The following COL14A1 variants were observed in gnomAD, a reference collection of about 807,000 sequenced individuals.
COL14A1 encodes the protein collagen alpha-1(XIV) chain.
A neutral mutation model predicts 230.3 loss-of-function variants in COL14A1; 136 were observed. The observed-to-expected ratio is 0.59, with a 90% confidence interval of 0.51 to 0.68. The LOEUF (loss-of-function observed/expected upper bound fraction) is 0.68, where lower values mean the gene tolerates loss of function less well. Among genes scored for constraint, COL14A1 ranks in the 30% least tolerant of loss-of-function variants. The probability of loss-of-function intolerance (pLI) is 0.00; values close to 1 mark genes in which losing one functional copy is unlikely to be tolerated. For missense variants in COL14A1, 1,976 were observed against 2,215.8 expected (o/e 0.89, Z 2.17); for synonymous variants, 792 against 784.1 (o/e 1.01, Z -0.17).
intron 45 of COL14A1, among the ~76,000 whole-genome samples, chr8:120,362,368 G>T (rs778579434): frequency 6.6e-6 from 1 of 152,198 alleles, no homozygotes; most frequent in Non-Finnish European, 1.5e-5. Flanking sequence ...TATAGGCAGT[G>T]CTGATACACT....
chr8:120,300,635 C>A, intron 35 of COL14A1, 97 bp from the exon 36 acceptor site: 4 of 925,194 alleles, frequency 4.3e-6, no homozygotes, highest in Admixed American at 2.3e-5. Flanking sequence ...ACTTGAAAAT[C>A]TAAAAATATC....
intron 1 of COL14A1, among the ~76,000 whole-genome samples, chr8:120,134,154 T>C (rs1814635666): frequency 6.6e-6 from 1 of 152,016 alleles, no homozygotes; most frequent in Admixed American, 6.6e-5. Flanking sequence ...TGGACTATTG[T>C]ATAAAAAAGG....
chr8:120,255,345 A>C lies in COL14A1; in HGVS notation c.2858A>C (p.Glu953Ala). Residue 953 changes from glutamate to alanine, a missense_variant, in exon 23 of 48, where the codon GAA (glutamate) becomes GCA (alanine). By Grantham distance (107) the Glu-to-Ala change is moderately radical. This residue lies in a region of COL14A1 where 1,791 missense variants were observed against 2,019.5 expected (regional missense o/e 0.89). Transcript: ENST00000297848. ...GCCACAGCCTATAGGGTTGTTATAG[A>C]ATCCCTCCAGGGTGAGTACAATCCA... ...RHATAYRVVI[E>A]SLQDRQKQES... is the part of the protein sequence containing the mutation. The C allele has an allele frequency of 6.2e-7, 1 of 1,611,632 alleles. No individual in the cohort carries two copies. The highest frequency in any genetic ancestry group is 1.1e-5 in the South Asian group (1 of 91,016).
In COL14A1 at chr8:120,281,025, C is replaced by A; in HGVS notation, c.3790C>A (p.Leu1264Ile). Residue 1264 changes from leucine (L) to isoleucine (I), a missense_variant, in exon 31 of 48, where the codon CTC becomes ATC. Transcript: ENST00000297848. ...CTTCAATGTGTTTCCATGTTACCAA[C>A]TCCATAAAGATGCCCTGGTTTCCCA... ...GTFNVFPCYQ[L>I]HKDALVSQPT... is the part of the protein sequence containing the mutation. 2 of 1,611,656 alleles carry A rather than the reference C, an allele frequency of 1.2e-6. No homozygotes were observed. The highest frequency in any genetic ancestry group is 1.7e-6 in the Non-Finnish European group (2 of 1,178,966).
chr8:120,133,286 C>T (rs1399146157), intron 1 of COL14A1, among the ~76,000 whole-genome samples: 2 of 150,372 alleles, frequency 1.3e-5, no homozygotes, highest in African/African-American at 4.9e-5. Context: ...AGAAAAAATT[C>T]TGTTATTTTT....
At chr8:120,330,844 G>A (rs140618492) in intron 40 of COL14A1, among the ~76,000 whole-genome samples, 1,607 of 152,258 alleles carry the variant, frequency 0.011, 10 homozygotes, top group Non-Finnish European at 0.016. Context: ...GGTGGCTCAT[G>A]CCTGTAATCC....
chr8:120,186,065 G>A (rs181114877), intron 5 of COL14A1, among the ~76,000 whole-genome samples: 7 of 152,266 alleles, frequency 4.6e-5, no homozygotes, highest in South Asian at 4.1e-4. Context: ...GAGCCACCAC[G>A]CCCTGCTCTC....
chr8:120,296,793 G>A (rs1473235460), intron 34 of COL14A1, among the ~76,000 whole-genome samples: 1 of 151,878 alleles, frequency 6.6e-6, no homozygotes, highest in Admixed American at 6.6e-5. Flanking sequence ...AAATATTTAT[G>A]GCATGATCAA....
At chr8:120,364,941 G>T (rs1005078551) in intron 45 of COL14A1, among the ~76,000 whole-genome samples, 4 of 151,756 alleles carry the variant, frequency 2.6e-5, no homozygotes, top group Admixed American at 6.6e-5. Context: ...AAAATTCCTT[G>T]TTAATATATA....
At chr8:120,315,840 T>C (rs1821206160) in intron 39 of COL14A1, 104 bp from the exon 40 acceptor site, 8 of 1,169,526 alleles carry the variant, frequency 6.8e-6, no homozygotes, top group Non-Finnish European at 2.5e-6. Flanking sequence ...TTCACCATTA[T>C]GCTCTTAGGT....
At chr8:120,163,327 C>T (rs7459829) in intron 4 of COL14A1, among the ~76,000 whole-genome samples, 5,552 of 152,188 alleles carry the variant, frequency 0.036, 327 homozygotes, top group African/African-American at 0.13. Flanking sequence ...CATGTTTGAG[C>T]CAGTTCTCAA....
chr8:120,126,477 C>T (rs1477881356), intron 1 of COL14A1, among the ~76,000 whole-genome samples: 1 of 152,086 alleles, frequency 6.6e-6, no homozygotes, highest in Non-Finnish European at 1.5e-5. Flanking sequence ...TTGGAGAGTC[C>T]TCTGTTGGCA....
intron 5 of COL14A1, among the ~76,000 whole-genome samples, chr8:120,183,418 T>C (rs1043449888): frequency 6.6e-6 from 1 of 152,220 alleles, no homozygotes; most frequent in African/African-American, 2.4e-5. Context: ...CTGCATCTGC[T>C]GTCATTAACA....
chr8:120,369,532 A>G, intron 47 of COL14A1, 47 bp downstream of exon 47: 2 of 1,467,614 alleles, frequency 1.4e-6, no homozygotes, highest in Non-Finnish European at 1.8e-6. Context: ...TCAATGTTTT[A>G]GTATGCTTAG....
intron 35 of COL14A1, 95 bp from the exon 36 acceptor site, chr8:120,300,637 A>T: frequency 1.1e-6 from 1 of 943,802 alleles, no homozygotes; most frequent in Non-Finnish European, 1.6e-6. Context: ...TTGAAAATCT[A>T]AAAATATCTT....
intron 19 of COL14A1, among the ~76,000 whole-genome samples, chr8:120,243,038 T>C (rs78683895): frequency 6.6e-6 from 1 of 152,172 alleles, no homozygotes; most frequent in African/African-American, 2.4e-5. Flanking sequence ...TTTCCAGCCA[T>C]GATTAAGTTC....
chr8:120,277,988 A>G, intron 26 of COL14A1, 123 bp from the exon 27 acceptor site: 1 of 910,930 alleles, frequency 1.1e-6, no homozygotes, highest in Non-Finnish European at 1.5e-6. Flanking sequence ...AGAAATTTTA[A>G]TCCAAGCAGA....
At chr8:120,134,114 C>T (rs1270567134) in intron 1 of COL14A1, among the ~76,000 whole-genome samples, 3 of 151,798 alleles carry the variant, frequency 2.0e-5, no homozygotes, top group Non-Finnish European at 4.4e-5. Context: ...CTTGAATAAA[C>T]AAAGAATATA....
In COL14A1 at chr8:120,220,531, A is replaced by C. The variant is rs565386849; in HGVS notation, c.1737+4041A>C. ...TCGTGATCTGCCCACCTCGGCCTCCAAAAGTGCTGGGATTACAGGTGTGAG... is the reference window on the plus strand; with the variant it reads ...TCGTGATCTGCCCACCTCGGCCTCCCAAAGTGCTGGGATTACAGGTGTGAG... On this transcript the variant is annotated intron_variant, in intron 14 of 47. Transcript: ENST00000297848. Among the ~76,000 whole-genome samples the C allele has an allele frequency of 9.6e-4, 146 of 152,156 alleles. 3 individuals carry two copies. The Middle Eastern group carries it at 0.01, about 11-fold the overall frequency.
Sources: allele counts gnomAD v4.1 joint callset (sites outside exome capture counted in the v4.1 genomes callset), GRCh38; gene constraint gnomAD v4.1.1; regional missense constraint gnomAD v4.1.1; transcripts MANE v1.5; gene names NCBI Gene and HGNC (gene_info 2026-07-23, HGNC 2026-07-21).